RAD54L2: variants seen among roughly 807,000 people sequenced by gnomAD.
RAD54L2 encodes the protein RAD54 like 2.
RAD54L2 carries 27 observed loss-of-function variants against 138.4 expected under a neutral mutation model. The ratio of observed to expected loss-of-function variants is 0.20; its 90% CI spans 0.14 to 0.27. The LOEUF (loss-of-function observed/expected upper bound fraction) is 0.27. Ranked by LOEUF, RAD54L2 falls within the 10% of genes least tolerant of loss-of-function variation. The pLI is 1.00. For synonymous variants in RAD54L2, 644 were observed against 723.2 expected (o/e 0.89, Z 1.76); for missense variants, 1,396 against 1,890.2 (o/e 0.74, Z 4.85).
At chr3:51,566,466 G>GCT (rs1699219645) in intron 2 of RAD54L2, among the ~76,000 whole-genome samples, 1 of 31,516 alleles carries the variant, frequency 3.2e-5, no homozygotes, top group African/African-American at 1.6e-4. Context: ...CCTTTTCTGC[G>GCT]TTTTTTTTTT....
intron 22 of RAD54L2, among the ~76,000 whole-genome samples, chr3:51,660,378 G>C (rs1436537492): frequency 6.6e-6 from 1 of 150,968 alleles, no homozygotes; most frequent in African/African-American, 2.4e-5. Flanking sequence ...GCTCGATCTT[G>C]GCTCACTGCA....
Position 51,622,199 on chromosome 3 carries a change from T to C in RAD54L2, c.140-5354T>C, listed in dbSNP as rs200287147. ...GAGGGTAGCTAGTCACACTTGGAGC[T>C]CTACTTTGAAACTTCTCTTTTAGTT... On this transcript the variant is annotated intron_variant, in intron 3 of 22. Coordinates refer to ENST00000684192, the MANE Select transcript of RAD54L2 (RefSeq NM_015106.4). Among the ~76,000 whole-genome samples, 4 of 152,274 alleles carry C rather than the reference T, an allele frequency of 2.6e-5. No individual in the cohort carries two copies. The East Asian group carries it at 7.7e-4, about 29-fold the overall frequency.
intron 18 of RAD54L2, 85 bp from the exon 19 acceptor site, chr3:51,646,200 G>A: frequency 7.9e-7 from 1 of 1,266,360 alleles, no homozygotes; most frequent in Non-Finnish European, 1.1e-6. Context: ...GCTGGAGACA[G>A]CCAGCTCTTT....
chr3:51,620,799 G>A (rs1287814684), intron 3 of RAD54L2, among the ~76,000 whole-genome samples: 1 of 152,190 alleles, frequency 6.6e-6, no homozygotes, highest in African/African-American at 2.4e-5. Context: ...AACTGTGGTA[G>A]TAATAGTCAT....
At chr3:51,595,240 C>T (rs956692143) in intron 3 of RAD54L2, among the ~76,000 whole-genome samples, 17 of 152,270 alleles carry the variant, frequency 1.1e-4, no homozygotes, top group Non-Finnish European at 1.2e-4. Context: ...GTATCAAAGA[C>T]ATGGCCTGTA....
At chr3:51,548,809 C>T (rs1262445267) in intron 2 of RAD54L2, among the ~76,000 whole-genome samples, 1 of 150,258 alleles carries the variant, frequency 6.7e-6, no homozygotes, top group Non-Finnish European at 1.5e-5. Flanking sequence ...TCATAGCAGC[C>T]CAGTAACTCT....
rs368101303 is a variant in RAD54L2, at chr3:51,660,011, C to T, written c.3317-15C>T. 6.4e-6 allele frequency: 10 copies of T among 1,559,560 alleles called. No homozygotes were observed. The Admixed American group carries it at 6.9e-5, about 11-fold the overall frequency. ...TATGTCTGCCTCTAACTGTCTTCTT[C>T]GTGTCTATTCTTAGGGACGTACATC... is the stretch of plus-strand genomic sequence containing the variant. On this transcript the variant is annotated splice_polypyrimidine_tract_variant and intron_variant, in intron 21 of 22. Transcript: ENST00000684192.
Position 51,664,398 on chromosome 3 carries a change from C to A in RAD54L2, c.*978C>A, listed in dbSNP as rs1037049599. ...GTCGCAGAGTTGTGGCTGGAAAATA[C>A]ATTTTTCACCAGGGTAGAACTGAGC... is the stretch of plus-strand genomic sequence containing the variant. On this transcript the variant is annotated 3_prime_UTR_variant, in exon 23 of 23. Transcript: ENST00000684192. 6.6e-6 allele frequency: 1 copy of A among 152,186 alleles called. No individual in the cohort carries two copies. 9.4% of individuals were successfully genotyped at this position (152,186 alleles called of 1,614,324 possible).
chr3:51,544,480 T>A (rs782619706), intron 2 of RAD54L2, among the ~76,000 whole-genome samples: 1 of 152,250 alleles, frequency 6.6e-6, no homozygotes, highest in Non-Finnish European at 1.5e-5. Context: ...TCTGATCTTC[T>A]GCAGGCCATT....
chr3:51,654,283 A>G (rs1007107777), intron 19 of RAD54L2, among the ~76,000 whole-genome samples: 3 of 152,334 alleles, frequency 2.0e-5, no homozygotes, highest in Middle Eastern at 6.8e-3. Context: ...TCCTGACCAC[A>G]GGTGATCCAC....
At chr3:51,597,517 AC>A (rs1268586103) in intron 3 of RAD54L2, among the ~76,000 whole-genome samples, 1 of 152,068 alleles carries the variant, frequency 6.6e-6, no homozygotes, top group Non-Finnish European at 1.5e-5. Context: ...AAATTCACAT[AC>A]GTTTTTTGAG....
At position 51,545,230 on chromosome 3, in the gene RAD54L2, C is replaced by T. The variant is rs188070165; in HGVS notation, c.-55+3580C>T. On this transcript the variant is annotated intron_variant, in intron 2 of 22. Coordinates refer to ENST00000684192, the MANE Select transcript of RAD54L2 (RefSeq NM_015106.4). Reference sequence around the variant, plus strand: ...TTTTTGAGACGGAGTCTTGCTCTGTCGCCCAGGCTGGAGTGCAGTGGTGTG... The same window carrying T: ...TTTTTGAGACGGAGTCTTGCTCTGTTGCCCAGGCTGGAGTGCAGTGGTGTG... Among the ~76,000 whole-genome samples the T allele has an allele frequency of 2.4e-3, 365 of 151,632 alleles. 3 individuals are homozygous for T. In the Middle Eastern group the frequency reaches 0.031, roughly 13 times the overall value.
intron 19 of RAD54L2, among the ~76,000 whole-genome samples, chr3:51,647,996 A>C (rs1559652125): frequency 6.6e-6 from 1 of 152,190 alleles, no homozygotes; most frequent in African/African-American, 2.4e-5. Flanking sequence ...GTGGGGCATC[A>C]CGTCACCTGG....
chr3:51,557,546 T>C (rs1473197988), intron 2 of RAD54L2, among the ~76,000 whole-genome samples: 2 of 151,674 alleles, frequency 1.3e-5, no homozygotes, highest in African/African-American at 4.8e-5. Flanking sequence ...AATAAGAACA[T>C]TCTTATGTTC....
At chr3:51,654,603 C>G (rs1439660242) in intron 19 of RAD54L2, among the ~76,000 whole-genome samples, 1 of 152,194 alleles carries the variant, frequency 6.6e-6, no homozygotes, top group Non-Finnish European at 1.5e-5. Flanking sequence ...GGAATGGTCT[C>G]TTCTCTTTTC....
intron 21 of RAD54L2, 72 bp downstream of exon 21, chr3:51,657,741 A>G (rs1701641318): frequency 2.8e-6 from 3 of 1,065,812 alleles, no homozygotes; most frequent in Middle Eastern, 2.0e-4. Context: ...GAATAAATAC[A>G]TATGACTTGA....
chr3:51,645,770 A>G lies in RAD54L2; in HGVS notation c.2829+7A>G. ...CCCTCACCTCATCACCAAGGTAAGA[A>G]CTTGGTATGCATGCAATCCCCAGAG... On this transcript the variant is annotated splice_region_variant and intron_variant, in intron 18 of 22. Transcript: ENST00000684192. The surrounding 1 kb of genome is among the most constrained non-coding windows in gnomAD (Gnocchi z 6.1). The G allele has an allele frequency of 6.2e-7, 1 of 1,603,140 alleles. No homozygotes were observed. Among genetic ancestry groups the G allele is most frequent in the Non-Finnish European group, 8.5e-7 (1 of 1,175,392 alleles).
chr3:51,650,449 A>G (rs1315374907), intron 19 of RAD54L2, among the ~76,000 whole-genome samples: 1 of 152,226 alleles, frequency 6.6e-6, no homozygotes, highest in Admixed American at 6.5e-5. Flanking sequence ...ATAGACATCT[A>G]CAGAATTCTC....
chr3:51,587,936 C>A (rs1389518947), intron 2 of RAD54L2, among the ~76,000 whole-genome samples: 1 of 151,814 alleles, frequency 6.6e-6, no homozygotes, highest in African/African-American at 2.4e-5. Context: ...TGGCCGGGTG[C>A]GGTGGCTCAT....
Sources: gnomAD v4.1 joint callset for allele counts (sites outside exome capture counted in the v4.1 genomes callset) on GRCh38, gnomAD v4.1.1 for gene constraint, Gnocchi (gnomAD v3.1) non-coding constraint, MANE v1.5 for transcripts, NCBI Gene and HGNC (gene_info 2026-07-23, HGNC 2026-07-21) for gene names.